ANO2: variants seen among roughly 807,000 people sequenced by gnomAD.
The protein encoded by ANO2 is anoctamin-2.
ANO2 carries 101 observed loss-of-function variants against 124.2 expected under a neutral mutation model. The ratio of observed to expected loss-of-function variants is 0.81; its 90% confidence interval spans 0.69 to 0.96. The LOEUF is 0.96. ANO2 is among the 40% of genes least tolerant of loss of function. The pLI is 0.00. For synonymous variants in ANO2, 486 were observed against 482.5 expected (o/e 1.01, Z -0.09); for missense variants, 1,293 against 1,274.5 (o/e 1.01, Z -0.22).
At chr12:5,665,713 C>T (rs1417596195) in intron 14 of ANO2, among the ~76,000 whole-genome samples, 1 of 146,680 alleles carries the variant, frequency 6.8e-6, no homozygotes, top group African/African-American at 2.5e-5. Flanking sequence ...CCCACCACCC[C>T]CCACCCCCAC....
At chr12:5,898,667 T>C (rs940112017) in intron 3 of ANO2, among the ~76,000 whole-genome samples, 6 of 152,200 alleles carry the variant, frequency 3.9e-5, no homozygotes, top group African/African-American at 1.4e-4. Context: ...TTATACAAAG[T>C]TGAAAAACAG....
At chr12:5,873,698 G>A (rs1937892202) in intron 3 of ANO2, among the ~76,000 whole-genome samples, 1 of 152,230 alleles carries the variant, frequency 6.6e-6, no homozygotes, top group Non-Finnish European at 1.5e-5. Flanking sequence ...GAAGATGCAT[G>A]GCACCCCGAC....
chr12:5,909,805 G>C (rs905004392), intron 3 of ANO2, among the ~76,000 whole-genome samples: 3 of 152,182 alleles, frequency 2.0e-5, no homozygotes, highest in Admixed American at 6.5e-5. Context: ...CAGCAGCCAG[G>C]CAGGACTGCC....
chr12:5,711,114 C>T (rs975325020), intron 14 of ANO2, among the ~76,000 whole-genome samples: 12 of 150,396 alleles, frequency 8.0e-5, no homozygotes, highest in East Asian at 3.9e-4. Context: ...GCAGAGATCG[C>T]GCCACTGTAC....
At chr12:5,912,126 C>T (rs1443029420) in intron 3 of ANO2, among the ~76,000 whole-genome samples, 1 of 152,194 alleles carries the variant, frequency 6.6e-6, no homozygotes, top group African/African-American at 2.4e-5. Context: ...TGGTAAAAGA[C>T]TCCAGACATA....
chr12:5,575,569 C>T (rs1942349735), intron 23 of ANO2, among the ~76,000 whole-genome samples: 1 of 152,180 alleles, frequency 6.6e-6, no homozygotes, highest in Non-Finnish European at 1.5e-5. Context: ...TCCCAGGCTA[C>T]AAACTTGTAC....
intron 14 of ANO2, among the ~76,000 whole-genome samples, chr12:5,692,773 T>C (rs1948998587): frequency 6.6e-6 from 1 of 152,018 alleles, no homozygotes; most frequent in South Asian, 2.1e-4. Flanking sequence ...CTGCGCCCCG[T>C]AGTAGGGCCT....
At chr12:5,791,760 A>G (rs1215981645) in intron 10 of ANO2, among the ~76,000 whole-genome samples, 1 of 152,350 alleles carries the variant, frequency 6.6e-6, no homozygotes, top group African/African-American at 2.4e-5. Flanking sequence ...TGAGGCACAG[A>G]GGTCACAGAC....
At chr12:5,907,524 A>G (rs2136288747) in intron 3 of ANO2, among the ~76,000 whole-genome samples, 1 of 152,370 alleles carries the variant, frequency 6.6e-6, no homozygotes, top group Non-Finnish European at 1.5e-5. Context: ...TTTCCTAACA[A>G]GACAGTAAAC....
At chr12:5,629,534 T>C (rs758421043) in intron 16 of ANO2, among the ~76,000 whole-genome samples, 6 of 152,204 alleles carry the variant, frequency 3.9e-5, no homozygotes, top group South Asian at 2.1e-4. Context: ...CTTATCCTCC[T>C]ACCATGCTGC....
intron 10 of ANO2, among the ~76,000 whole-genome samples, chr12:5,779,881 T>C (rs772105333): frequency 9.2e-5 from 14 of 152,138 alleles, no homozygotes; most frequent in South Asian, 2.1e-4. Flanking sequence ...GGATTCCAGA[T>C]TGAAGGAGGC....
intron 4 of ANO2, among the ~76,000 whole-genome samples, chr12:5,841,178 CGCAT>C (rs778197113): frequency 1.5e-4 from 23 of 152,224 alleles, no homozygotes; most frequent in Non-Finnish European, 2.1e-4. Context: ...TGCACATTCA[CGCAT>C]GCAAGAGAGC....
chr12:5,742,915 A>G (rs969037496), intron 12 of ANO2, among the ~76,000 whole-genome samples: 1 of 151,820 alleles, frequency 6.6e-6, no homozygotes, highest in Admixed American at 6.6e-5. Context: ...TATGGTCACA[A>G]TTCCATTTCC....
At chr12:5,774,634 T>C (rs1256814327) in intron 10 of ANO2, among the ~76,000 whole-genome samples, 1 of 152,208 alleles carries the variant, frequency 6.6e-6, no homozygotes, top group Non-Finnish European at 1.5e-5. Flanking sequence ...ATGTTGGTGT[T>C]AATGTTTCCG....
intron 3 of ANO2, among the ~76,000 whole-genome samples, chr12:5,885,416 G>T (rs1258737488): frequency 6.6e-6 from 1 of 152,238 alleles, no homozygotes; most frequent in Non-Finnish European, 1.5e-5. Context: ...AAAGGTGGCT[G>T]CAAGAATAAA....
rs1378790390 is a variant in ANO2 at position 5,565,663 on chromosome 12, C to T, written c.2622G>A (p.Arg874=). 3 of 1,587,654 alleles carry T rather than the reference C, an allele frequency of 1.9e-6. No individual in the cohort carries two copies. Among genetic ancestry groups the T allele is most frequent in the Non-Finnish European group, 2.6e-6 (3 of 1,166,968 alleles). ...ATGGCGGCTCTCGGTAATCCTTAAA[C>T]CTGCCCAAAGAGAAATGTGGTGTTA... ...SQFDQEVQFC[R]FKDYREPPWA... Residue 874 remains arginine (R), a splice_region_variant and synonymous_variant, in exon 24 of 25, where the codon AGG becomes AGA. Transcript: ENST00000682330.
intron 7 of ANO2, among the ~76,000 whole-genome samples, chr12:5,826,636 T>A (rs1490300504): frequency 6.6e-6 from 1 of 152,144 alleles, no homozygotes; most frequent in African/African-American, 2.4e-5. Context: ...TGTAGCAAGA[T>A]GAATATAGCA....
At chr12:5,712,021 C>T (rs1949836968) in intron 14 of ANO2, among the ~76,000 whole-genome samples, 1 of 152,168 alleles carries the variant, frequency 6.6e-6, no homozygotes, top group Non-Finnish European at 1.5e-5. Context: ...TTATTTCTTA[C>T]ATTTAACCAA....
At chr12:5,742,486 AG>A (rs1951129964) in intron 12 of ANO2, among the ~76,000 whole-genome samples, 1 of 152,166 alleles carries the variant, frequency 6.6e-6, no homozygotes, top group African/African-American at 2.4e-5. Flanking sequence ...GGGGTAGGGT[AG>A]GAAATGACTG....
Sources: gnomAD v4.1 joint callset for allele counts (sites outside exome capture counted in the v4.1 genomes callset) on GRCh38, gnomAD v4.1.1 for gene constraint, MANE v1.5 for transcripts, NCBI Gene and HGNC (gene_info 2026-07-23, HGNC 2026-07-21) for gene names.